PPA2: variants seen among roughly 807,000 people sequenced by gnomAD.
PPA2 encodes inorganic pyrophosphatase 2, also known as inorganic pyrophosphatase 2, mitochondrial.
A neutral mutation model predicts 49.5 loss-of-function variants in PPA2; 48 were observed. The ratio of observed to expected loss-of-function variants is 0.97; its 90% CI spans 0.77 to 1.23. The LOEUF (loss-of-function observed/expected upper bound fraction) is 1.23. Among genes scored for constraint, PPA2 ranks in the 50% most tolerant of loss-of-function variants. The pLI is 0.00. For missense variants in PPA2, 429 were observed against 410.1 expected, an observed-to-expected ratio of 1.05 and a Z score of -0.40; for synonymous variants, 131 against 139.9, an observed-to-expected ratio of 0.94 and a Z score of 0.45.
At chr4:105,473,779 A>C in intron 1 of PPA2, 115 bp downstream of exon 1, 10 of 1,415,624 alleles carry the variant, frequency 7.1e-6, no homozygotes, top group Non-Finnish European at 6.8e-6. Flanking sequence ...GCTACCGCTG[A>C]GGGCCCCAAA....
chr4:105,446,294 G>C, intron 5 of PPA2, 89 bp downstream of exon 5: 1 of 1,358,198 alleles, frequency 7.4e-7, no homozygotes, highest in Non-Finnish European at 9.9e-7. Flanking sequence ...CATGTCCTCA[G>C]AACCAATTTA....
chr4:105,384,317 A>G (rs1270384569), intron 10 of PPA2, among the ~76,000 whole-genome samples: 1 of 152,168 alleles, frequency 6.6e-6, no homozygotes. Context: ...AGCTCAACCA[A>G]GTTACCAAGC....
At chr4:105,453,774 AACCT>A in intron 2 of PPA2, 132 bp from the exon 3 acceptor site, 1 of 579,532 alleles carries the variant, frequency 1.7e-6, no homozygotes, top group East Asian at 3.2e-5. Flanking sequence ...GTCAACAGAG[AACCT>A]ACCAAATGCC....
intron 4 of PPA2, among the ~76,000 whole-genome samples, chr4:105,448,626 C>T (rs1203382598): frequency 1.3e-5 from 2 of 148,976 alleles, no homozygotes; most frequent in Non-Finnish European, 3.0e-5. Context: ...CTGTGATAGT[C>T]ATAAATTGAG....
At chr4:105,463,550 C>T (rs1460604125) in intron 1 of PPA2, among the ~76,000 whole-genome samples, 2 of 152,210 alleles carry the variant, frequency 1.3e-5, no homozygotes, top group African/African-American at 4.8e-5. Context: ...TGTTCGTCCC[C>T]AAGACAGTGA....
intron 2 of PPA2, chr4:105,455,964 C>T: frequency 4.9e-6 from 1 of 204,274 alleles, no homozygotes; most frequent in Non-Finnish European, 1.0e-5. Flanking sequence ...AGGAAATAAC[C>T]TACAACTTAA....
chr4:105,448,778 AC>A (rs1722521275), intron 4 of PPA2, among the ~76,000 whole-genome samples: 1 of 152,042 alleles, frequency 6.6e-6, no homozygotes, highest in Non-Finnish European at 1.5e-5. Flanking sequence ...TACTTAAACA[AC>A]CTTTAAAAGT....
chr4:105,433,561 TG>T (rs1723914820), intron 6 of PPA2, among the ~76,000 whole-genome samples: 1 of 152,242 alleles, frequency 6.6e-6, no homozygotes, highest in Non-Finnish European at 1.5e-5. Context: ...CTGCTCTTTG[TG>T]CATGCCTCCA....
At chr4:105,465,396 G>C (rs1723259989) in intron 1 of PPA2, among the ~76,000 whole-genome samples, 2 of 152,258 alleles carry the variant, frequency 1.3e-5, no homozygotes, top group African/African-American at 2.4e-5. Flanking sequence ...AGCTCCTTCA[G>C]GAACCCTCTA....
chr4:105,469,577 A>C (rs2298733), intron 1 of PPA2, among the ~76,000 whole-genome samples: 40,852 of 152,084 alleles, frequency 0.27, 7,677 homozygotes, highest in African/African-American at 0.54. Flanking sequence ...ACTAAAGCTA[A>C]CTTTGTTTTA....
intron 5 of PPA2, among the ~76,000 whole-genome samples, chr4:105,444,829 T>C (rs1229339150): frequency 1.3e-5 from 2 of 152,174 alleles, no homozygotes; most frequent in African/African-American, 4.8e-5. Context: ...CATACGATAA[T>C]AAAAGTACCA....
At chr4:105,396,390 C>A in intron 8 of PPA2, 56 bp from the exon 9 acceptor site, 1 of 1,213,406 alleles carries the variant, frequency 8.2e-7, no homozygotes, top group Admixed American at 2.3e-5. Flanking sequence ...CACATTGTTA[C>A]ACTAACACAA....
intron 1 of PPA2, among the ~76,000 whole-genome samples, chr4:105,458,033 A>G (rs947464589): frequency 7.2e-5 from 11 of 152,220 alleles, no homozygotes; most frequent in African/African-American, 2.4e-4. Context: ...GGTATGGTAA[A>G]GGGAAATGTG....
intron 1 of PPA2, among the ~76,000 whole-genome samples, chr4:105,468,148 T>C (rs1201969814): frequency 6.6e-6 from 1 of 152,226 alleles, no homozygotes; most frequent in East Asian, 1.9e-4. Context: ...CATGGCTGTA[T>C]GTTACAATGG....
chr4:105,410,529 G>A (rs1578831810), intron 7 of PPA2, among the ~76,000 whole-genome samples: 1 of 152,110 alleles, frequency 6.6e-6, no homozygotes, highest in Non-Finnish European at 1.5e-5. Flanking sequence ...ACCTAGCAAG[G>A]CAGGCCAACA....
At chr4:105,384,840 T>C (rs1226458763) in intron 10 of PPA2, among the ~76,000 whole-genome samples, 1 of 152,220 alleles carries the variant, frequency 6.6e-6, no homozygotes, top group Non-Finnish European at 1.5e-5. Context: ...AATATTTTAA[T>C]GGTTCCCTAC....
At chr4:105,405,481 CTT>C (rs1722422725) in intron 7 of PPA2, 1 of 903,606 alleles carries the variant, frequency 1.1e-6, no homozygotes, top group African/African-American at 1.8e-5. Context: ...ATTAACCCCT[CTT>C]TTAAACATTT....
At chr4:105,463,031 A>G (rs1029335582) in intron 1 of PPA2, among the ~76,000 whole-genome samples, 3 of 152,238 alleles carry the variant, frequency 2.0e-5, no homozygotes, top group Non-Finnish European at 4.4e-5. Flanking sequence ...GGTGCTGCTG[A>G]AAAGATAACT....
At chr4:105,469,925 A>G (rs1478136058) in intron 1 of PPA2, among the ~76,000 whole-genome samples, 1 of 152,178 alleles carries the variant, frequency 6.6e-6, no homozygotes, top group African/African-American at 2.4e-5. Flanking sequence ...TCCTCCTACT[A>G]CCCAAATGAC....
Sources: gnomAD v4.1 joint callset for allele counts (sites outside exome capture counted in the v4.1 genomes callset) on GRCh38, gnomAD v4.1.1 for gene constraint, MANE v1.5 for transcripts, NCBI Gene and HGNC (gene_info 2026-07-23, HGNC 2026-07-21) for gene names.